Variants in NEGR1 observed in about 807,000 individuals in gnomAD.
NEGR1 encodes the protein neuronal growth regulator 1, also known as IgLON family member 4.
Under a neutral mutation model 40.9 loss-of-function variants are expected in NEGR1, and 10 were observed. That is an observed-to-expected ratio of 0.24 (90% confidence interval 0.15 to 0.42). The LOEUF is 0.42. Ranked by LOEUF, NEGR1 falls within the 10% of genes least tolerant of loss-of-function variation. The pLI is 1.00. For missense variants in NEGR1, 352 were observed against 438.9 expected, an observed-to-expected ratio of 0.80 and a Z score of 1.77; for synonymous variants, 185 against 166.8, an observed-to-expected ratio of 1.11 and a Z score of -0.84.
At chr1:72,176,935 C>CA (rs112836387) in intron 1 of NEGR1, among the ~76,000 whole-genome samples, 5,819 of 152,046 alleles carry the variant, frequency 0.038, 351 homozygotes, top group African/African-American at 0.13. Context: ...AGTAAGGAGT[C>CA]AGTTTCAAGA....
intron 3 of NEGR1, among the ~76,000 whole-genome samples, chr1:71,737,272 A>T (rs1460503398): frequency 6.6e-6 from 1 of 152,118 alleles, no homozygotes; most frequent in Non-Finnish European, 1.5e-5. Context: ...TAGTTCTAGA[A>T]TTACAAATTC....
intron 6 of NEGR1, among the ~76,000 whole-genome samples, chr1:71,560,973 C>G (rs907279166): frequency 6.6e-6 from 1 of 151,496 alleles, no homozygotes; most frequent in Non-Finnish European, 1.5e-5. Flanking sequence ...TGAATTTGGA[C>G]AAGTTATTTC....
chr1:72,054,807 A>T (rs1647095798), intron 1 of NEGR1, among the ~76,000 whole-genome samples: 1 of 151,108 alleles, frequency 6.6e-6, no homozygotes, highest in Non-Finnish European at 1.5e-5. Context: ...GATATTGGGG[A>T]GAAATAAATA....
intron 4 of NEGR1, among the ~76,000 whole-genome samples, chr1:71,677,513 T>A (rs1481730467): frequency 6.6e-6 from 1 of 152,188 alleles, no homozygotes; most frequent in Non-Finnish European, 1.5e-5. Flanking sequence ...GTTATCATAT[T>A]TATTTTACAG....
Position 71,400,442 on chromosome 1 carries a change from A to C in NEGR1, c.*7004T>G, listed in dbSNP as rs1302968458. On this transcript the variant is annotated 3_prime_UTR_variant, in exon 7 of 7. Transcript: ENST00000357731. ...ACCATGAATTAAATGCCCCTGTGAC[A>C]AAAAAAAAAAGACTTTTTCTGTTAA... 3 of 131,766 alleles carry C rather than the reference A, an allele frequency of 2.3e-5. No individual in the cohort carries two copies. The highest frequency in any genetic ancestry group is 2.7e-4 in the South Asian group (1 of 3,754). The allele number at this position is 131,766 out of a possible 1,614,324, so 8.2% of individuals were successfully genotyped here. A position where few individuals can be genotyped will look rare whatever the true frequency, so the allele number is the denominator to read the frequency against.
At chr1:72,174,284 T>G (rs1008245372) in intron 1 of NEGR1, among the ~76,000 whole-genome samples, 4 of 152,126 alleles carry the variant, frequency 2.6e-5, no homozygotes, top group Non-Finnish European at 5.9e-5. Flanking sequence ...ACTATCAATA[T>G]TCCCCACCAG....
intron 3 of NEGR1, among the ~76,000 whole-genome samples, chr1:71,770,703 A>G (rs1345460889): frequency 1.3e-5 from 2 of 152,204 alleles, no homozygotes; most frequent in African/African-American, 2.4e-5. Flanking sequence ...TTTGACCAAG[A>G]AAAACATTAA....
rs183123493 is a variant in NEGR1 at position 71,848,698 on chromosome 1, G to A, written c.410-72401C>T. On this transcript the variant is annotated intron_variant, in intron 2 of 6. Transcript: ENST00000357731. The stretch of plus-strand genomic sequence containing the variant: ...AAGTGCTTTGATGGACATACACAAG[G>A]AGATTAATGTTGCTTTCAGGCCCAC... Among the ~76,000 whole-genome samples the A allele has an allele frequency of 2.3e-3, 357 of 152,294 alleles. 1 individual carries two copies. Among genetic ancestry groups the A allele is most frequent in the African/African-American group, 8.1e-3 (335 of 41,574 alleles).
In NEGR1 at chr1:71,723,263, C is replaced by T. The variant is rs993329628; in HGVS notation, c.536-25124G>A. Among the ~76,000 whole-genome samples the T allele has an allele frequency of 2.0e-5, 3 of 152,054 alleles. No homozygotes were observed. In the East Asian group the frequency reaches 5.8e-4, roughly 29 times the overall value. ...TTTGGTATTTGTCCCCAGTTTCTGGCACAGAGCTCCTAAAACCCTTGGAAT... is the reference window on the plus strand; with the variant it reads ...TTTGGTATTTGTCCCCAGTTTCTGGTACAGAGCTCCTAAAACCCTTGGAAT... On this transcript the variant is annotated intron_variant, in intron 3 of 6. Transcript: ENST00000357731.
chr1:71,712,009 AG>A (rs1654110967), intron 3 of NEGR1, among the ~76,000 whole-genome samples: 1 of 152,180 alleles, frequency 6.6e-6, no homozygotes, highest in African/African-American at 2.4e-5. Flanking sequence ...TTGTTCCAAG[AG>A]GGTGGAGAAG....
chr1:71,501,898 T>A (rs887002608), intron 6 of NEGR1, among the ~76,000 whole-genome samples: 1 of 152,238 alleles, frequency 6.6e-6, no homozygotes, highest in Admixed American at 6.5e-5. Context: ...AAGTTAAACA[T>A]TGATAAACAT....
Position 71,639,702 on chromosome 1 carries a change from G to A in NEGR1, c.668-28556C>T, listed in dbSNP as rs527637946. On this transcript the variant is annotated intron_variant, in intron 4 of 6. Transcript: ENST00000357731. ...TTGTGTTTGGGCCCCAGGCATTTGC[G>A]ACCTGCCAAGTAATGTGGTATAGGC... Among the ~76,000 whole-genome samples the A allele has an allele frequency of 1.2e-4, 18 of 152,100 alleles. No homozygotes were observed. In the East Asian group the frequency reaches 1.9e-3, roughly 16 times the overall value.
At position 71,645,347 on chromosome 1, in the gene NEGR1, T is replaced by C. The variant is rs534331090; in HGVS notation, c.668-34201A>G. On this transcript the variant is annotated intron_variant, in intron 4 of 6. Transcript: ENST00000357731. ...ATACAGTTTAAGAATAACAGCTCAATATACTAAATATTCAGGACAGCAGTA... is the reference window on the plus strand; with the variant it reads ...ATACAGTTTAAGAATAACAGCTCAACATACTAAATATTCAGGACAGCAGTA... Among the ~76,000 whole-genome samples, 11 of 152,092 alleles carry C rather than the reference T, an allele frequency of 7.2e-5. No individual in the cohort carries two copies. In the South Asian group the frequency reaches 2.1e-3, roughly 29 times the overall value.
At chr1:71,728,639 A>T (rs961188386) in intron 3 of NEGR1, among the ~76,000 whole-genome samples, 3 of 151,978 alleles carry the variant, frequency 2.0e-5, no homozygotes, top group African/African-American at 7.3e-5. Flanking sequence ...TGGCTGTGTG[A>T]TTTTTAGACA....
At chr1:71,819,965 C>T (rs1023576724) in intron 2 of NEGR1, among the ~76,000 whole-genome samples, 2 of 151,978 alleles carry the variant, frequency 1.3e-5, no homozygotes, top group African/African-American at 4.8e-5. Flanking sequence ...TGGGCAAGAA[C>T]CAGAAGGGGG....
intron 6 of NEGR1, among the ~76,000 whole-genome samples, chr1:71,570,644 C>CTTATTATTA (rs150984543): frequency 0.011 from 1,598 of 148,150 alleles, 14 homozygotes; most frequent in African/African-American, 0.022. Context: ...ATACTGGGTC[C>CTTATTATTA]TTATTATTAT....
intron 6 of NEGR1, among the ~76,000 whole-genome samples, chr1:71,553,175 T>A (rs1648141840): frequency 6.6e-6 from 1 of 151,584 alleles, no homozygotes. Context: ...CTATAGCATA[T>A]GTTTATTAAC....
chr1:71,510,734 G>A (rs1278891827), intron 6 of NEGR1, among the ~76,000 whole-genome samples: 1 of 152,160 alleles, frequency 6.6e-6, no homozygotes, highest in African/African-American at 2.4e-5. Context: ...ATTACCTGCT[G>A]TATCTGCTCC....
chr1:71,598,867 A>G (rs1649827074), intron 5 of NEGR1, among the ~76,000 whole-genome samples: 1 of 152,120 alleles, frequency 6.6e-6, no homozygotes, highest in African/African-American at 2.4e-5. Context: ...TTCTAACATC[A>G]TTTCAGCTTT....
Sources: gnomAD v4.1 joint callset for allele counts (sites outside exome capture counted in the v4.1 genomes callset) on GRCh38, gnomAD v4.1.1 for gene constraint, MANE v1.5 for transcripts, NCBI Gene and HGNC (gene_info 2026-07-23, HGNC 2026-07-21) for gene names.